DIO2: variants seen among roughly 807,000 people sequenced by gnomAD.
DIO2 encodes the protein type II iodothyronine deiodinase.
A neutral mutation model predicts 21.4 loss-of-function variants in DIO2; 19 were observed. That is an observed-to-expected ratio of 0.89 (90% CI 0.62 to 1.30). DIO2 has a LOEUF of 1.30. DIO2 is among the 50% of genes most tolerant of loss of function. The pLI, the probability that DIO2 is intolerant of heterozygous loss-of-function variation, is 0.00. For synonymous variants in DIO2, 122 were observed against 132.9 expected (o/e 0.92, Z 0.57); for missense variants, 302 against 338.1 (o/e 0.89, Z 0.84).
rs2139993901 is a variant in DIO2, at chr14:80,201,523, A to G, written c.*1166T>C. 6.6e-6 allele frequency: 1 copy of G among 152,306 alleles called. No homozygotes were observed. The allele number at this position is 152,306 out of a possible 1,614,324, so 9.4% of individuals were successfully genotyped here. Reference sequence around the variant, plus strand: ...TATGTATGTATGTGTGTATGTACGTATAATTTCTTCAGCTCAGCATTCAGA... The same window carrying G: ...TATGTATGTATGTGTGTATGTACGTGTAATTTCTTCAGCTCAGCATTCAGA... On this transcript the variant is annotated 3_prime_UTR_variant, in exon 2 of 2. Transcript: ENST00000438257.
At chr14:80,217,923 T>C (rs1164169609) in intron 2 of DIO2, among the ~76,000 whole-genome samples, 1 of 152,238 alleles carries the variant, frequency 6.6e-6, no homozygotes, top group African/African-American at 2.4e-5. Context: ...TCTGGTGGAC[T>C]TCAATCATAA....
chr14:80,229,757 T>C (rs1450927751), intron 2 of DIO2, among the ~76,000 whole-genome samples: 1 of 152,226 alleles, frequency 6.6e-6, no homozygotes, highest in Non-Finnish European at 1.5e-5. Context: ...GCAGAGTTCC[T>C]ACTTAGTGGG....
chr14:80,226,719 AC>A (rs1190951986), intron 2 of DIO2, among the ~76,000 whole-genome samples: 2 of 152,230 alleles, frequency 1.3e-5, no homozygotes, highest in African/African-American at 4.8e-5. Flanking sequence ...CACCATGGCC[AC>A]TTTGTTCATG....
chr14:80,209,638 C>T (rs1042656295), intron 1 of DIO2, among the ~76,000 whole-genome samples: 3 of 152,160 alleles, frequency 2.0e-5, no homozygotes, highest in African/African-American at 4.8e-5. Flanking sequence ...CTAGATCTCC[C>T]GTCCTCACTG....
intron 2 of DIO2, among the ~76,000 whole-genome samples, chr14:80,225,623 A>G (rs1485854767): frequency 6.6e-6 from 1 of 152,134 alleles, no homozygotes; most frequent in Non-Finnish European, 1.5e-5. Context: ...TCTACTGCCC[A>G]TTCTGTATTT....
chr14:80,229,326 C>A (rs1888640277), intron 2 of DIO2, among the ~76,000 whole-genome samples: 1 of 152,166 alleles, frequency 6.6e-6, no homozygotes, highest in South Asian at 2.1e-4. Flanking sequence ...TCCACTTTGC[C>A]TTTGATGGTT....
At chr14:80,203,958 G>A (rs1182105378) in intron 1 of DIO2, among the ~76,000 whole-genome samples, 1 of 152,176 alleles carries the variant, frequency 6.6e-6, no homozygotes, top group African/African-American at 2.4e-5. Context: ...GGCAACTGGA[G>A]GACAACATGA....
At chr14:80,223,266 T>C (rs1888502830) in intron 2 of DIO2, among the ~76,000 whole-genome samples, 1 of 152,218 alleles carries the variant, frequency 6.6e-6, no homozygotes, top group South Asian at 2.1e-4. Flanking sequence ...CACCCATCAA[T>C]GACTGTGTTA....
intron 2 of DIO2, among the ~76,000 whole-genome samples, chr14:80,224,276 G>A (rs1042242206): frequency 6.6e-6 from 1 of 152,086 alleles, no homozygotes; most frequent in Non-Finnish European, 1.5e-5. Flanking sequence ...CAACTAGTTT[G>A]TTTCGCAATT....
At chr14:80,205,763 C>T in intron 1 of DIO2, 2 of 1,255,394 alleles carry the variant, frequency 1.6e-6, no homozygotes, top group Non-Finnish European at 2.0e-6. Context: ...GGAAAGTTAC[C>T]AAATTCGTAA....
intron 1 of DIO2, among the ~76,000 whole-genome samples, chr14:80,204,678 A>G (rs527819289): frequency 6.8e-4 from 103 of 152,348 alleles, no homozygotes; most frequent in East Asian, 7.7e-4. Flanking sequence ...TATTTCCCTC[A>G]TATACATACA....
rs573873545 is a variant in DIO2 at position 80,199,535 on chromosome 14, C to T, written c.*3154G>A. 2 of 152,342 alleles carry T rather than the reference C, an allele frequency of 1.3e-5. No individual in the cohort carries two copies. Among genetic ancestry groups the T allele is most frequent in the African/African-American group, 4.8e-5 (2 of 41,572 alleles). The allele number at this position is 152,342 out of a possible 1,614,324, so 9.4% of individuals were successfully genotyped here. ...GTTACATTTTAATAGCTGTATGAAA[C>T]ATTTCTACATTACTGTGCGGGCATC... On this transcript the variant is annotated 3_prime_UTR_variant, in exon 2 of 2. Coordinates refer to ENST00000438257, the MANE Select transcript of DIO2 (RefSeq NM_013989.5).
intron 1 of DIO2, among the ~76,000 whole-genome samples, chr14:80,207,063 T>C (rs1255094923): frequency 1.3e-5 from 2 of 152,178 alleles, no homozygotes; most frequent in African/African-American, 4.8e-5. Context: ...CTTTTATCTC[T>C]CTCATCTGCA....
At chr14:80,216,724 T>C (rs1888370730) in exon 3 of DIO2, 1 of 152,174 alleles carries the variant, frequency 6.6e-6, no homozygotes, top group South Asian at 2.1e-4. Flanking sequence ...CAATCTCTTC[T>C]TTCTCCCTAA....
At chr14:80,223,814 G>A (rs1339825098) in intron 2 of DIO2, among the ~76,000 whole-genome samples, 5 of 152,132 alleles carry the variant, frequency 3.3e-5, no homozygotes, top group African/African-American at 1.2e-4. Context: ...CCATGTTGTA[G>A]ACAAAGTTAA....
intron 2 of DIO2, among the ~76,000 whole-genome samples, chr14:80,226,264 C>T (rs933943938): frequency 1.2e-4 from 18 of 152,286 alleles, no homozygotes; most frequent in Admixed American, 3.9e-4. Context: ...TCTATCAATC[C>T]AGCTGCTTCA....
chr14:80,212,571 G>A (rs932977259), upstream of DIO2, among the ~76,000 whole-genome samples: 5 of 152,112 alleles, frequency 3.3e-5, no homozygotes, highest in African/African-American at 1.2e-4. Flanking sequence ...TAGAAAAAAG[G>A]AAGAGTTATC....
intron 1 of DIO2, among the ~76,000 whole-genome samples, chr14:80,209,311 A>G (rs538193125): frequency 6.6e-6 from 1 of 152,120 alleles, no homozygotes; most frequent in South Asian, 2.1e-4. Context: ...TGACATTTAT[A>G]TAAGAAATAT....
intron 2 of DIO2, among the ~76,000 whole-genome samples, chr14:80,226,944 T>C (rs1888588799): frequency 6.6e-6 from 1 of 152,216 alleles, no homozygotes; most frequent in South Asian, 2.1e-4. Flanking sequence ...AATTTTCCAA[T>C]CATCCTTCTT....
Sources: allele counts gnomAD v4.1 joint callset (sites outside exome capture counted in the v4.1 genomes callset), GRCh38; gene constraint gnomAD v4.1.1; transcripts MANE v1.5; gene names NCBI Gene and HGNC (gene_info 2026-07-23, HGNC 2026-07-21).